The following SPAG1 variants were observed in gnomAD, a reference collection of about 807,000 sequenced individuals.
SPAG1 encodes the protein sperm-associated antigen 1.
A neutral mutation model predicts 100.5 loss-of-function variants in SPAG1; 69 were observed. That is an observed-to-expected ratio of 0.69 (90% CI 0.57 to 0.84). The LOEUF (loss-of-function observed/expected upper bound fraction) is 0.84, where lower values mean the gene tolerates loss of function less well. SPAG1 is among the 40% of genes least tolerant of loss of function. The probability of loss-of-function intolerance (pLI) is 0.00; values close to 1 mark genes in which losing one functional copy is unlikely to be tolerated. For synonymous variants in SPAG1, 336 were observed against 411.6 expected (o/e 0.82, Z 2.22); for missense variants, 955 against 1,133.1 (o/e 0.84, Z 2.26).
At chr8:100,222,919 C>T (rs1003683818) in intron 13 of SPAG1, among the ~76,000 whole-genome samples, 1 of 152,170 alleles carries the variant, frequency 6.6e-6, no homozygotes, top group Admixed American at 6.5e-5. Context: ...TAAGCAGCCA[C>T]TCCCCATTTT....
At position 100,187,243 on chromosome 8, in the gene SPAG1, C is replaced by T. The variant is rs150007121; in HGVS notation, c.825C>T (p.Asn275=). The T allele has an allele frequency of 2.7e-4, 440 of 1,604,630 alleles. 2 individuals carry two copies. The African/African-American group carries it at 4.6e-3, about 17-fold the overall frequency. The change falls in exon 8 of 19, where the codon AAC becomes AAT. Residue 275 remains asparagine (N), a synonymous_variant. Transcript: ENST00000388798. ...AGGTCTTGGAGTTAGAACCTGGAAA[C>T]GTAAAGGGTAAAAAATATTATAGAA... ...CEKVLELEPG[N]VKALLRRATT...
At chr8:100,220,518 A>C in intron 13 of SPAG1, 87 bp downstream of exon 13, 1 of 1,086,314 alleles carries the variant, frequency 9.2e-7, no homozygotes, top group Non-Finnish European at 1.3e-6. Flanking sequence ...CAAAATATAG[A>C]TGTGTTATCA....
intron 13 of SPAG1, among the ~76,000 whole-genome samples, chr8:100,221,455 T>A (rs1164162773): frequency 6.6e-6 from 1 of 152,214 alleles, no homozygotes; most frequent in Non-Finnish European, 1.5e-5. Context: ...ATTAACTAGT[T>A]GGATAACATT....
At chr8:100,203,075 T>C (rs1296025587) in intron 10 of SPAG1, among the ~76,000 whole-genome samples, 1 of 152,120 alleles carries the variant, frequency 6.6e-6, no homozygotes, top group South Asian at 2.1e-4. Context: ...CTGAAAGAGA[T>C]TAACATTAAG....
intron 14 of SPAG1, among the ~76,000 whole-genome samples, chr8:100,227,985 C>T (rs1818593153): frequency 6.6e-6 from 1 of 151,426 alleles, no homozygotes; most frequent in Admixed American, 6.6e-5. Flanking sequence ...GCTGGGACTA[C>T]AGGTGTGTGC....
At chr8:100,196,086 A>G (rs899089259) in intron 10 of SPAG1, among the ~76,000 whole-genome samples, 4 of 152,192 alleles carry the variant, frequency 2.6e-5, no homozygotes, top group African/African-American at 7.2e-5. Flanking sequence ...GTAGCATTCC[A>G]TTAATAGTTG....
chr8:100,198,187 A>C (rs568868217), intron 10 of SPAG1, among the ~76,000 whole-genome samples: 141 of 152,354 alleles, frequency 9.3e-4, no homozygotes, highest in African/African-American at 3.4e-3. Flanking sequence ...ACTCACAAAC[A>C]GAAGAATAAA....
intron 12 of SPAG1, among the ~76,000 whole-genome samples, chr8:100,215,227 G>A (rs552665702): frequency 2.0e-5 from 3 of 150,864 alleles, no homozygotes; most frequent in East Asian, 2.0e-4. Context: ...ATACAGCTTC[G>A]TACCCCTCGA....
chr8:100,171,902 T>G (rs1186705449), intron 3 of SPAG1, among the ~76,000 whole-genome samples: 1 of 152,084 alleles, frequency 6.6e-6, no homozygotes, highest in Non-Finnish European at 1.5e-5. Flanking sequence ...GATTTTTCTT[T>G]TTTTTTTTCT....
In SPAG1 at chr8:100,210,656, C is replaced by G. The variant is rs78946133; in HGVS notation, c.1097-2434C>G. Among the ~76,000 whole-genome samples the G allele has an allele frequency of 1.4e-4, 21 of 152,110 alleles. 1 individual carries two copies. The highest frequency in any genetic ancestry group is 4.6e-4 in the African/African-American group (19 of 41,478). On this transcript the variant is annotated intron_variant, in intron 10 of 18. Coordinates refer to ENST00000388798, the MANE Select transcript of SPAG1 (RefSeq NM_003114.5). ...AGTATATCTCAGGGATCCTTATGAG[C>G]CTTTGAGTGATCCCATCCACATCCA... is the stretch of plus-strand genomic sequence containing the variant.
intron 3 of SPAG1, among the ~76,000 whole-genome samples, chr8:100,173,477 G>A (rs1278888535): frequency 6.6e-6 from 1 of 152,000 alleles, no homozygotes. Context: ...AGATAGAACA[G>A]ATAATATAGT....
At chr8:100,200,849 C>A (rs984192447) in intron 10 of SPAG1, among the ~76,000 whole-genome samples, 14 of 152,000 alleles carry the variant, frequency 9.2e-5, no homozygotes, top group Non-Finnish European at 1.6e-4. Flanking sequence ...GGATATTAGC[C>A]CCTTGTCAGA....
intron 10 of SPAG1, among the ~76,000 whole-genome samples, chr8:100,211,631 T>C (rs891543341): frequency 6.6e-6 from 1 of 152,194 alleles, no homozygotes; most frequent in African/African-American, 2.4e-5. Context: ...CACTCCACCC[T>C]GGGCAATAGA....
chr8:100,185,034 G>C (rs1816528374), intron 7 of SPAG1: 2 of 263,664 alleles, frequency 7.6e-6, no homozygotes, highest in Non-Finnish European at 1.4e-5. Flanking sequence ...AATAACTTGG[G>C]TTCCATTGTA....
At position 100,191,423 on chromosome 8, in the gene SPAG1, A is replaced by C; in HGVS notation, c.866A>C (p.Gln289Pro). 1 of 1,614,000 alleles carries C rather than the reference A, an allele frequency of 6.2e-7. No homozygotes were observed. ...LLRRATTYKH[Q>P]NKLREATEDL... ...CGTCGTGCTACTACATATAAACATC[A>C]AAACAAGCTCCGGGAAGCTACAGAA... Residue 289 changes from glutamine to proline, a missense_variant, in exon 9 of 19, where the codon CAA (glutamine) becomes CCA (proline). Transcript: ENST00000388798.
intron 10 of SPAG1, 167 bp downstream of exon 10, chr8:100,194,435 A>G (rs1413150162): frequency 1.1e-6 from 1 of 925,194 alleles, no homozygotes; most frequent in Non-Finnish European, 1.6e-6. Context: ...ACAGCTTGGT[A>G]GAATCTCTCA....
At chr8:100,222,853 A>G (rs1818343380) in intron 13 of SPAG1, among the ~76,000 whole-genome samples, 1 of 152,302 alleles carries the variant, frequency 6.6e-6, no homozygotes. Context: ...GGCAGTCATC[A>G]CTTCTTTCTA....
At chr8:100,222,312 C>T (rs886447807) in intron 13 of SPAG1, among the ~76,000 whole-genome samples, 2 of 152,152 alleles carry the variant, frequency 1.3e-5, no homozygotes, top group South Asian at 4.1e-4. Context: ...ATTGTTTTCA[C>T]GTTTGCTGTC....
chr8:100,178,513 C>A (rs887629966), intron 4 of SPAG1, among the ~76,000 whole-genome samples: 14 of 151,920 alleles, frequency 9.2e-5, no homozygotes, highest in Admixed American at 5.9e-4. Flanking sequence ...AAGTTCCAGG[C>A]CCATTCTATT....
Sources: gnomAD v4.1 joint callset for allele counts (sites outside exome capture counted in the v4.1 genomes callset) on GRCh38, gnomAD v4.1.1 for gene constraint, MANE v1.5 for transcripts, NCBI Gene and HGNC (gene_info 2026-07-23, HGNC 2026-07-21) for gene names.